CRLF2: variants seen among roughly 807,000 people sequenced by gnomAD.
The protein encoded by CRLF2 is cytokine receptor-like factor 2.
Under a neutral mutation model 38.7 loss-of-function variants are expected in CRLF2, and 41 were observed. That is an observed-to-expected ratio of 1.06 (90% CI 0.83 to 1.37). CRLF2 has a LOEUF of 1.37. Ranked by LOEUF, CRLF2 falls within the 40% of genes most tolerant of loss-of-function variation. The pLI, the probability that CRLF2 is intolerant of heterozygous loss-of-function variation, is 0.00. For missense variants in CRLF2, 377 were observed against 322.2 expected, an observed-to-expected ratio of 1.17 and a Z score of -1.30; for synonymous variants, 140 against 128.8, an observed-to-expected ratio of 1.09 and a Z score of -0.59.
chrX:1,202,347 C>G, intron 4 of CRLF2, 55 bp downstream of exon 4: 5 of 1,606,636 alleles, frequency 3.1e-6, no homozygotes, highest in Non-Finnish European at 4.3e-6. Flanking sequence ...TCCCACAGCC[C>G]GCACCTGGGG....
chrX:1,198,659 G>C lies in CRLF2; in HGVS notation c.549C>G (p.Phe183Leu), dbSNP rs1361857498. The C allele has an allele frequency of 2.5e-6, 4 of 1,613,370 alleles. No homozygotes were observed. The highest frequency in any genetic ancestry group is 1.7e-6 in the Non-Finnish European group (2 of 1,179,648). ...EGLDAEKCYS[F>L]WVRVKAMEDV... is the part of the protein sequence containing the mutation. ...CCTCCATAGCCTTCACCCTGACCCA[G>C]AAAGAGTAACACTTCTCGGCATCCA... The change falls in exon 5 of 8, where the codon TTC (phenylalanine) becomes TTG (leucine). Residue 183 changes from phenylalanine to leucine, a missense_variant. By Grantham distance (22) the Phe-to-Leu change is conservative. Coordinates refer to ENST00000400841, the MANE Select transcript of CRLF2 (RefSeq NM_022148.4).
intron 2 of CRLF2, among the ~76,000 whole-genome samples, chrX:1,207,811 G>A (rs1440040263): frequency 1.4e-5 from 2 of 147,618 alleles, no homozygotes; most frequent in African/African-American, 2.5e-5. Flanking sequence ...CGCCACGCCC[G>A]GCTAGTTTTT....
At chrX:1,199,036 C>T (rs762046924) in intron 4 of CRLF2, 17 of 432,502 alleles carry the variant, frequency 3.9e-5, no homozygotes, top group South Asian at 2.2e-4. Flanking sequence ...GTAATCCCAG[C>T]TACTTGGGAG....
chrX:1,212,530 CAAG>C, intron 1 of CRLF2, 23 bp downstream of exon 1: 1 of 1,577,712 alleles, frequency 6.3e-7, no homozygotes, highest in Non-Finnish European at 8.7e-7. Flanking sequence ...CAAAATACAA[CAAG>C]AAGAGGGTGT....
At chrX:1,207,359 G>A (rs1198729592) in intron 2 of CRLF2, among the ~76,000 whole-genome samples, 1 of 151,840 alleles carries the variant, frequency 6.6e-6, no homozygotes, top group African/African-American at 2.4e-5. Flanking sequence ...GGATTCAAGC[G>A]ATTCTCCTGC....
intron 5 of CRLF2, among the ~76,000 whole-genome samples, chrX:1,198,108 G>C (rs2147831368): frequency 6.6e-6 from 1 of 152,158 alleles, no homozygotes; most frequent in African/African-American, 2.4e-5. Flanking sequence ...GGCTGAGCTT[G>C]CTCAGACACA....
At chrX:1,202,109 G>A (rs1418587244) in intron 4 of CRLF2, among the ~76,000 whole-genome samples, 1 of 151,884 alleles carries the variant, frequency 6.6e-6, no homozygotes, top group African/African-American at 2.4e-5. Context: ...ATAGATAGAG[G>A]TAGAGATAAA....
chrX:1,196,010 A>T (rs2086468929), intron 6 of CRLF2, among the ~76,000 whole-genome samples: 1 of 142,236 alleles, frequency 7.0e-6, no homozygotes, highest in Admixed American at 7.6e-5. Flanking sequence ...ATATAATTAT[A>T]TATAAATATA....
At chrX:1,193,731 G>A (rs1346557236) in intron 6 of CRLF2, among the ~76,000 whole-genome samples, 3,244 of 142,574 alleles carry the variant, frequency 0.023, 113 homozygotes, top group African/African-American at 0.074. Flanking sequence ...TCAGTGATCC[G>A]AGATTGCGCC....
rs1165061698 is a variant in CRLF2 at position 1,190,963 on chromosome X, G to T, written c.1050C>A (p.Gly350=). Residue 350 remains glycine, a synonymous_variant, in exon 8 of 8, where the codon GGC becomes GGA. Transcript: ENST00000400841. ...AGCCCCCGATTGTGACCACATCACC[G>T]CCTTGGAGGGGCTGGTGGGGAAGCT... ...SLQLPHQPLQ[G]GDVVTIGGFT... is the part of the protein sequence containing the mutation. 1 of 398,348 alleles carries T rather than the reference G, an allele frequency of 2.5e-6. No homozygotes were observed. The highest frequency in any genetic ancestry group is 3.6e-5 in the East Asian group (1 of 28,042). The allele number at this position is 398,348 out of a possible 1,614,324, so 24.7% of individuals were successfully genotyped here.
chrX:1,194,594 TC>T (rs1337535179), intron 6 of CRLF2, among the ~76,000 whole-genome samples: 1 of 152,148 alleles, frequency 6.6e-6, no homozygotes, highest in Non-Finnish European at 1.5e-5. Context: ...GGACCCTCAT[TC>T]CTGAAAGTTT....
chrX:1,192,097 T>C (rs1482094643), intron 7 of CRLF2, among the ~76,000 whole-genome samples: 29,727 of 139,256 alleles, frequency 0.21, 3,350 homozygotes, highest in Non-Finnish European at 0.27. Context: ...CCCAGCTACT[T>C]GGGAGGCTGA....
intron 6 of CRLF2, among the ~76,000 whole-genome samples, chrX:1,196,520 A>T (rs1432954314): frequency 4.0e-5 from 6 of 149,618 alleles, no homozygotes; most frequent in African/African-American, 1.2e-4. Flanking sequence ...ATGGGATTTC[A>T]CCATATTGGC....
chrX:1,193,570 G>C (rs1355636457), intron 6 of CRLF2, among the ~76,000 whole-genome samples: 2 of 151,840 alleles, frequency 1.3e-5, no homozygotes, highest in African/African-American at 2.4e-5. Flanking sequence ...CTGAGGTCAG[G>C]AGTTTGAGAC....
intron 7 of CRLF2, among the ~76,000 whole-genome samples, 186 bp from the exon 8 acceptor site, chrX:1,191,346 C>CTTTCTTTCT (rs1491422134): frequency 9.2e-4 from 41 of 44,710 alleles, no homozygotes; most frequent in African/African-American, 2.6e-3. Context: ...TCTTTCTTTC[C>CTTTCTTTCT]TTCTTTCTTT....
intron 2 of CRLF2, among the ~76,000 whole-genome samples, chrX:1,206,911 CTGGAATGAGAGG>C (rs1413758983): frequency 2.7e-5 from 4 of 147,632 alleles, no homozygotes; most frequent in Non-Finnish European, 5.9e-5. Flanking sequence ...TCCCAAACTG[CTGGAATGAGAGG>C]TGTGAGCTAC....
At chrX:1,191,253 C>T in intron 7 of CRLF2, 93 bp from the exon 8 acceptor site, 1 of 398,786 alleles carries the variant, frequency 2.5e-6, no homozygotes, top group Non-Finnish European at 4.4e-6. Flanking sequence ...ACAGACATCC[C>T]TGGACATCTT....
chrX:1,198,744 C>CAT lies in CRLF2; in HGVS notation c.484-21_484-20insAT. The CAT allele has an allele frequency of 2.0e-6, 2 of 1,013,358 alleles. No homozygotes were observed. The highest frequency in any genetic ancestry group is 1.7e-5 in the African/African-American group (1 of 60,192). 62.8% of individuals were successfully genotyped at this position (1,013,358 alleles called of 1,614,324 possible). A position where few individuals can be genotyped will look rare whatever the true frequency, so the allele number is the denominator to read the frequency against. ...TTTGGACTGGAGAAACATACACACA[C>CAT]ACACACACACACACACACACACACA... On this transcript the variant is annotated intron_variant, in intron 4 of 7. Coordinates refer to ENST00000400841, the MANE Select transcript of CRLF2 (RefSeq NM_022148.4).
At chrX:1,197,595 C>T (rs2086508662) in intron 5 of CRLF2, among the ~76,000 whole-genome samples, 1 of 151,974 alleles carries the variant, frequency 6.6e-6, no homozygotes, top group Admixed American at 6.6e-5. Context: ...GCGGGCGGAT[C>T]ACAAGGTCAG....
Sources: allele counts gnomAD v4.1 joint callset (sites outside exome capture counted in the v4.1 genomes callset), GRCh38; gene constraint gnomAD v4.1.1; transcripts MANE v1.5; gene names NCBI Gene and HGNC (gene_info 2026-07-23, HGNC 2026-07-21).